The following STAM variants were observed in gnomAD, a reference collection of about 807,000 sequenced individuals.
STAM encodes the protein signal transducing adaptor molecule, also known as signal transducing adapter molecule 1.
STAM carries 16 observed loss-of-function variants against 63.4 expected under a neutral mutation model. The observed-to-expected ratio is 0.25, with a 90% confidence interval of 0.17 to 0.38. STAM has a LOEUF of 0.38. STAM is among the 10% of genes least tolerant of loss of function. The pLI, the probability that STAM is intolerant of heterozygous loss-of-function variation, is 1.00. For synonymous variants in STAM, 238 were observed against 223.9 expected, an observed-to-expected ratio of 1.06 and a Z score of -0.56; for missense variants, 636 against 657.1, an observed-to-expected ratio of 0.97 and a Z score of 0.35.
chr10:17,652,659 A>T (rs939829070), intron 1 of STAM, among the ~76,000 whole-genome samples: 4 of 148,290 alleles, frequency 2.7e-5, no homozygotes, highest in African/African-American at 9.9e-5. Context: ...AAATGCACTT[A>T]AAAAAAAAAC....
Position 17,708,852 on chromosome 10 carries a change from GTC to G in STAM, c.1288_1289del (p.Leu430SerfsTer23). Reference sequence around the variant, plus strand: ...CAGATGAGCCACCTCCAGAGCTACAGTCTTCCCCCGGAGCAGCTGTCTTCTCT... The same window carrying G: ...CAGATGAGCCACCTCCAGAGCTACAGTTCCCCCGGAGCAGCTGTCTTCTCT... On this transcript the variant is annotated frameshift_variant, in exon 13 of 14. Coordinates refer to ENST00000377524, the MANE Select transcript of STAM (RefSeq NM_003473.4). LOFTEE classifies it high-confidence loss of function. The G allele has an allele frequency of 6.2e-7, 1 of 1,614,184 alleles. No individual in the cohort carries two copies. Among genetic ancestry groups the G allele is most frequent in the Non-Finnish European group, 8.5e-7 (1 of 1,180,028 alleles).
intron 4 of STAM, among the ~76,000 whole-genome samples, chr10:17,685,241 G>A (rs1554825931): frequency 6.6e-6 from 1 of 151,958 alleles, no homozygotes; most frequent in African/African-American, 2.4e-5. Flanking sequence ...GTTTTTGTAG[G>A]CACAAGGTAT....
At chr10:17,714,077 T>A (rs1347130297) in intron 13 of STAM, among the ~76,000 whole-genome samples, 6 of 152,326 alleles carry the variant, frequency 3.9e-5, no homozygotes, top group East Asian at 1.9e-4. Context: ...TCCTAGGGAA[T>A]CTATCTGGCT....
At chr10:17,688,748 C>T (rs1835405963) in intron 5 of STAM, among the ~76,000 whole-genome samples, 2 of 152,060 alleles carry the variant, frequency 1.3e-5, no homozygotes, top group Admixed American at 6.5e-5. Flanking sequence ...CAGGTGTGAG[C>T]CACCAGGCCC....
chr10:17,664,708 C>A (rs546279841), intron 2 of STAM, among the ~76,000 whole-genome samples: 1 of 152,156 alleles, frequency 6.6e-6, no homozygotes, highest in South Asian at 2.1e-4. Flanking sequence ...CAGGTAGAGT[C>A]TTTTGAAGTA....
At chr10:17,671,629 A>G (rs1834644410) in intron 2 of STAM, among the ~76,000 whole-genome samples, 1 of 152,228 alleles carries the variant, frequency 6.6e-6, no homozygotes, top group Admixed American at 6.5e-5. Flanking sequence ...GGGATCAGGG[A>G]TGCAACATGC....
At chr10:17,648,390 C>T (rs782096050) in intron 1 of STAM, among the ~76,000 whole-genome samples, 4 of 152,100 alleles carry the variant, frequency 2.6e-5, no homozygotes, top group East Asian at 1.9e-4. Context: ...AGGACATGGG[C>T]GGGGACAAAT....
chr10:17,653,237 G>A (rs1336586597), intron 1 of STAM, among the ~76,000 whole-genome samples: 1 of 151,966 alleles, frequency 6.6e-6, no homozygotes, highest in Non-Finnish European at 1.5e-5. Context: ...ATCCATGAAG[G>A]TACATTTCCC....
At chr10:17,645,930 C>G (rs933746764) in intron 1 of STAM, among the ~76,000 whole-genome samples, 25 of 152,180 alleles carry the variant, frequency 1.6e-4, no homozygotes, top group African/African-American at 6.0e-4. Flanking sequence ...TATAATTTAG[C>G]TAGCAACTAC....
At chr10:17,668,844 AGTTT>A (rs1834509440) in intron 2 of STAM, among the ~76,000 whole-genome samples, 1 of 152,114 alleles carries the variant, frequency 6.6e-6, no homozygotes, top group African/African-American at 2.4e-5. Flanking sequence ...GATGTTCTAC[AGTTT>A]GTTTATTAAC....
At chr10:17,698,017 G>A (rs1230936887) in intron 8 of STAM, among the ~76,000 whole-genome samples, 1 of 152,044 alleles carries the variant, frequency 6.6e-6, no homozygotes, top group African/African-American at 2.4e-5. Context: ...CATATTTATA[G>A]AATAAATGAT....
chr10:17,711,692 G>A lies in STAM; in HGVS notation c.1385+2741G>A, dbSNP rs373209507. Among the ~76,000 whole-genome samples, 310 of 152,292 alleles carry A rather than the reference G, an allele frequency of 2.0e-3. 1 individual carries two copies. The highest frequency in any genetic ancestry group is 2.4e-3 in the Non-Finnish European group (165 of 68,026). ...AGCAAAGATGGGAGGTGTGAAAGGCGTGGTATGTATCGGCATTCCAGCAGC... is the reference window on the plus strand; with the variant it reads ...AGCAAAGATGGGAGGTGTGAAAGGCATGGTATGTATCGGCATTCCAGCAGC... On this transcript the variant is annotated intron_variant, in intron 13 of 13. Coordinates refer to ENST00000377524, the MANE Select transcript of STAM (RefSeq NM_003473.4).
intron 2 of STAM, among the ~76,000 whole-genome samples, chr10:17,681,298 A>T: frequency 1.5e-5 from 2 of 137,550 alleles, no homozygotes; most frequent in African/African-American, 2.7e-5. Flanking sequence ...TTTCCTTTTC[A>T]TTAATCTCAA....
intron 2 of STAM, among the ~76,000 whole-genome samples, chr10:17,678,606 CTTATT>C (rs1175594196): frequency 6.6e-6 from 1 of 152,116 alleles, no homozygotes; most frequent in East Asian, 1.9e-4. Context: ...TGTATTAGTA[CTTATT>C]TTATTTTGGT....
chr10:17,702,352 A>T (rs958383119), intron 9 of STAM, among the ~76,000 whole-genome samples: 1 of 152,212 alleles, frequency 6.6e-6, no homozygotes, highest in African/African-American at 2.4e-5. Flanking sequence ...GAGTAGAAAT[A>T]TGATAAGTTC....
intron 2 of STAM, chr10:17,672,921 C>A: frequency 2.1e-6 from 1 of 480,690 alleles, no homozygotes; most frequent in Non-Finnish European, 2.7e-6. Context: ...ATTCTCCTTT[C>A]CCTGTTCTTT....
intron 1 of STAM, among the ~76,000 whole-genome samples, chr10:17,658,598 C>T (rs1440280474): frequency 6.6e-6 from 1 of 152,098 alleles, no homozygotes; most frequent in Non-Finnish European, 1.5e-5. Flanking sequence ...GCAACCTCCA[C>T]CTCCCGGGTT....
At chr10:17,647,079 C>T (rs1422889526) in intron 1 of STAM, among the ~76,000 whole-genome samples, 1 of 152,174 alleles carries the variant, frequency 6.6e-6, no homozygotes, top group Non-Finnish European at 1.5e-5. Context: ...AATGTGAGCT[C>T]TGTGAGGACA....
chr10:17,668,719 T>C (rs1834502795), intron 2 of STAM, among the ~76,000 whole-genome samples: 1 of 152,218 alleles, frequency 6.6e-6, no homozygotes, highest in Non-Finnish European at 1.5e-5. Flanking sequence ...GTAGACTATA[T>C]AGCCTTTTCA....
Sources: gnomAD v4.1 joint callset for allele counts (sites outside exome capture counted in the v4.1 genomes callset) on GRCh38, gnomAD v4.1.1 for gene constraint, MANE v1.5 for transcripts, NCBI Gene and HGNC (gene_info 2026-07-23, HGNC 2026-07-21) for gene names.